CPLX2: variants seen among roughly 807,000 people sequenced by gnomAD.
CPLX2 encodes complexin-2.
Under a neutral mutation model 16.3 loss-of-function variants are expected in CPLX2, and 5 were observed. The ratio of observed to expected loss-of-function variants is 0.31; its 90% CI spans 0.16 to 0.64. The LOEUF (loss-of-function observed/expected upper bound fraction) is 0.64, where lower values mean the gene tolerates loss of function less well. Among genes scored for constraint, CPLX2 ranks in the 30% least tolerant of loss-of-function variants. CPLX2 has a pLI of 0.79. For synonymous variants in CPLX2, 89 were observed against 73.2 expected (o/e 1.22, Z -1.10); for missense variants, 144 against 181.4 (o/e 0.79, Z 1.18).
chr5:175,809,753 C>T lies in CPLX2; in HGVS notation c.-89+685C>T, dbSNP rs907116131. ...CCTCATCCACATCGCCTCTTCCCCA[C>T]CACCCACGACCAGTAATCCAGTGTG... On this transcript the variant is annotated intron_variant, in intron 2 of 4. Coordinates refer to the CPLX2 transcript ENST00000359546. This position sits in a 1 kb window ranked among gnomAD's most constrained non-coding sequence, Gnocchi z 4.4. 2.6e-5 allele frequency among the ~76,000 whole-genome samples: 4 copies of T among 152,184 alleles called. No homozygotes were observed. Among genetic ancestry groups the T allele is most frequent in the African/African-American group, 9.7e-5 (4 of 41,440 alleles).
At position 175,872,904 on chromosome 5, in the gene CPLX2, A is replaced by C. The variant is rs1213674055; in HGVS notation, c.-89+1199A>C. 2 of 152,180 alleles carry C rather than the reference A, an allele frequency of 1.3e-5. No individual in the cohort carries two copies. The highest frequency in any genetic ancestry group is 2.4e-5 in the African/African-American group (1 of 41,414). 9.4% of individuals were successfully genotyped at this position (152,180 alleles called of 1,614,324 possible). ...CAGATGGCGGGGCCCAGTCCCGAAA[A>C]CCTCTAGGGGCTCAGATGGTCGAGC... On this transcript the variant is annotated intron_variant, in intron 1 of 3. Coordinates refer to ENST00000393745, the MANE Select transcript of CPLX2 (RefSeq NM_001008220.2). The surrounding 1 kb of genome is among the most constrained non-coding windows in gnomAD (Gnocchi z 5.0).
At chr5:175,863,163 G>A (rs1759404282) in intron 2 of CPLX2, among the ~76,000 whole-genome samples, 1 of 152,254 alleles carries the variant, frequency 6.6e-6, no homozygotes, top group Non-Finnish European at 1.5e-5. Flanking sequence ...TTAGGGCACA[G>A]CTCTGAGCCC....
Position 175,880,559 on chromosome 5 carries a change from G to T in CPLX2, c.*514G>T. On this transcript the variant is annotated 3_prime_UTR_variant, in exon 4 of 4. Transcript: ENST00000393745. ...GCTGAGAGGCCCTGGCTCTGGCCAG[G>T]CTGGGATCTGGGTGGGAGGCTGGGG... The T allele has an allele frequency of 5.6e-6, 1 of 178,790 alleles. No individual in the cohort carries two copies. The highest frequency in any genetic ancestry group is 1.3e-4 in the South Asian group (1 of 7,724). The allele number at this position is 178,790 out of a possible 1,614,324, so 11.1% of individuals were successfully genotyped here.
At chr5:175,829,053 A>G (rs1407410148) in intron 2 of CPLX2, among the ~76,000 whole-genome samples, 1 of 152,164 alleles carries the variant, frequency 6.6e-6, no homozygotes, top group Non-Finnish European at 1.5e-5. Flanking sequence ...TTGGCCCTCA[A>G]TCCACAAAGG....
intron 2 of CPLX2, among the ~76,000 whole-genome samples, chr5:175,821,108 TC>T (rs1758500202): frequency 6.6e-6 from 1 of 152,010 alleles, no homozygotes; most frequent in African/African-American, 2.4e-5. Flanking sequence ...CACCAGCTTC[TC>T]CCCTCCCGCC....
In CPLX2 at chr5:175,883,811, C is replaced by G. The variant is rs930047; in HGVS notation, c.*3766C>G. 84,518 of 152,478 alleles carry G rather than the reference C, an allele frequency of 0.55. 24,347 individuals carry two copies. Among genetic ancestry groups the G allele is most frequent in the East Asian group, 0.77 (3,934 of 5,132 alleles). 9.4% of individuals were successfully genotyped at this position (152,478 alleles called of 1,614,324 possible). On this transcript the variant is annotated 3_prime_UTR_variant, in exon 4 of 4. Coordinates refer to ENST00000393745, the MANE Select transcript of CPLX2 (RefSeq NM_001008220.2). ...CCCGGTGAGATGGACCATCCTGCCC[C>G]CGTGGGGGATCCCCTTTCCCACATC...
intron 1 of CPLX2, among the ~76,000 whole-genome samples, chr5:175,806,920 T>C (rs986765313): frequency 4.6e-5 from 7 of 152,200 alleles, no homozygotes; most frequent in African/African-American, 1.7e-4. Context: ...TGGGCCTCCG[T>C]GCCATCCTCT....
At chr5:175,840,204 T>G (rs1015814411) in intron 2 of CPLX2, among the ~76,000 whole-genome samples, 4 of 149,542 alleles carry the variant, frequency 2.7e-5, no homozygotes, top group African/African-American at 9.8e-5. Flanking sequence ...AAAACATATG[T>G]TTTTTTTTCA....
intron 2 of CPLX2, among the ~76,000 whole-genome samples, chr5:175,816,433 T>C (rs1407578490): frequency 6.6e-6 from 1 of 152,248 alleles, no homozygotes; most frequent in Admixed American, 6.5e-5. Context: ...CCCAAAGTGC[T>C]AGGATTACAG....
At chr5:175,873,822 T>C (rs1332942993) in intron 1 of CPLX2, among the ~76,000 whole-genome samples, 1 of 152,210 alleles carries the variant, frequency 6.6e-6, no homozygotes, top group Admixed American at 6.5e-5. Flanking sequence ...CTCCATTTCA[T>C]AGATGAGAAA....
At position 175,845,257 on chromosome 5, in the gene CPLX2, C is replaced by T. The variant is rs926088797; in HGVS notation, c.-88-33395C>T. On this transcript the variant is annotated intron_variant, in intron 2 of 4. Transcript: ENST00000359546. The surrounding 1 kb of genome is among the most constrained non-coding windows in gnomAD (Gnocchi z 4.0). ...ACATGTCCCTCCTGTACTTACAACCCTACAAGGATCCACTATTCTTGGACT... is the reference window on the plus strand; with the variant it reads ...ACATGTCCCTCCTGTACTTACAACCTTACAAGGATCCACTATTCTTGGACT... Among the ~76,000 whole-genome samples the T allele has an allele frequency of 6.6e-6, 1 of 152,230 alleles. No homozygotes were observed. Among genetic ancestry groups the T allele is most frequent in the Non-Finnish European group, 1.5e-5 (1 of 68,036 alleles).
chr5:175,824,482 C>T (rs185002038), intron 2 of CPLX2, among the ~76,000 whole-genome samples: 2 of 152,334 alleles, frequency 1.3e-5, no homozygotes, highest in Non-Finnish European at 2.9e-5. Flanking sequence ...AGGAGGAAAC[C>T]AAGGCCCAGA....
At chr5:175,874,885 GAGA>G (rs149448770) in intron 1 of CPLX2, among the ~76,000 whole-genome samples, 9,756 of 152,194 alleles carry the variant, frequency 0.064, 478 homozygotes, top group East Asian at 0.15. Context: ...AAAGAAGAGA[GAGA>G]AGACCTATCT....
At position 175,878,732 on chromosome 5, in the gene CPLX2, C is replaced by G. The variant is rs749507747; in HGVS notation, c.-8C>G. ...GTGGGCTAAGGCACGCTAACCAGAG[C>G]CGGCGGCATGGACTTCGTCATGAAG... On this transcript the variant is annotated 5_prime_UTR_variant, in exon 2 of 4. Coordinates refer to ENST00000393745, the MANE Select transcript of CPLX2 (RefSeq NM_001008220.2). 5 of 1,613,240 alleles carry G rather than the reference C, an allele frequency of 3.1e-6. No homozygotes were observed. In the Admixed American group the frequency reaches 8.3e-5, roughly 27 times the overall value.
chr5:175,806,287 G>C (rs971469961), intron 1 of CPLX2, among the ~76,000 whole-genome samples: 2 of 151,624 alleles, frequency 1.3e-5, no homozygotes, highest in Admixed American at 1.3e-4. Context: ...TGCAGATGCT[G>C]TTCCTTCTGC....
intron 2 of CPLX2, among the ~76,000 whole-genome samples, chr5:175,840,391 A>AT (rs1758923734): frequency 6.6e-6 from 1 of 152,214 alleles, no homozygotes; most frequent in Non-Finnish European, 1.5e-5. Context: ...TTCTTCAGGT[A>AT]TTTAACAAGA....
intron 1 of CPLX2, among the ~76,000 whole-genome samples, chr5:175,808,182 CCT>C (rs1411683512): frequency 6.6e-6 from 1 of 152,156 alleles, no homozygotes; most frequent in African/African-American, 2.4e-5. Context: ...CACACCTACC[CCT>C]GTGTGATCTT....
intron 2 of CPLX2, among the ~76,000 whole-genome samples, chr5:175,820,954 C>G (rs537277569): frequency 9.8e-4 from 149 of 152,284 alleles, no homozygotes; most frequent in African/African-American, 3.4e-3. Context: ...TCAGGAACTC[C>G]CAGGCCTGCT....
intron 2 of CPLX2, among the ~76,000 whole-genome samples, chr5:175,862,027 C>A (rs1174853926): frequency 6.6e-6 from 1 of 152,194 alleles, no homozygotes; most frequent in Non-Finnish European, 1.5e-5. Flanking sequence ...CCAGCATGCC[C>A]CTGTCTTATT....
Sources: gnomAD v4.1 joint callset for allele counts (sites outside exome capture counted in the v4.1 genomes callset) on GRCh38, gnomAD v4.1.1 for gene constraint, Gnocchi (gnomAD v3.1) non-coding constraint, MANE v1.5 for transcripts, NCBI Gene and HGNC (gene_info 2026-07-23, HGNC 2026-07-21) for gene names.